The following SCN2A variants were observed in gnomAD, a reference collection of about 807,000 sequenced individuals.
SCN2A encodes the protein sodium channel protein type 2 subunit alpha.
Under a neutral mutation model 188.7 loss-of-function variants are expected in SCN2A, and 20 were observed. That is an observed-to-expected ratio of 0.11 (90% CI 0.07 to 0.15). SCN2A has a LOEUF of 0.15. SCN2A is among the 10% of genes least tolerant of loss of function. The probability of loss-of-function intolerance (pLI) is 1.00; values close to 1 mark genes in which losing one functional copy is unlikely to be tolerated. For missense variants in SCN2A, 1,278 were observed against 2,445.0 expected, an observed-to-expected ratio of 0.52 and a Z score of 10.07; for synonymous variants, 804 against 833.1, an observed-to-expected ratio of 0.97 and a Z score of 0.60.
chr2:165,380,460 T>TA, intron 23 of SCN2A, 132 bp from the exon 24 acceptor site: 1 of 665,358 alleles, frequency 1.5e-6, no homozygotes. Context: ...TGAAGGTTCA[T>TA]AAAATCTGTT....
At position 165,307,900 on chromosome 2, in the gene SCN2A, A is replaced by C; in HGVS notation, c.439A>C (p.Thr147Pro). The C allele has an allele frequency of 6.2e-7, 1 of 1,610,626 alleles. No homozygotes were observed. Among genetic ancestry groups the C allele is most frequent in the Non-Finnish European group, 8.5e-7 (1 of 1,176,986 alleles). ...CTILTNCVFM[T>P]MSNPPDWTKN... ...GATTCTTACCAACTGTGTATTTATG[A>C]CCATGAGTAACCCTCCAGACTGGAC... Residue 147 changes from threonine to proline, a missense_variant, in exon 4 of 27, where the codon ACC becomes CCC. Coordinates refer to ENST00000375437, the MANE Select transcript of SCN2A (RefSeq NM_001040142.2).
chr2:165,327,172 T>A, intron 13 of SCN2A, 188 bp downstream of exon 13: 1 of 646,358 alleles, frequency 1.5e-6, no homozygotes, highest in Non-Finnish European at 2.6e-6. Context: ...TTTTTTATAT[T>A]TAGCCTCCAG....
chr2:165,374,684 G>A lies in SCN2A; in HGVS notation c.3973-1G>A. 6.2e-7 allele frequency: 1 copy of A among 1,612,986 alleles called. No homozygotes were observed. The highest frequency in any genetic ancestry group is 8.5e-7 in the Non-Finnish European group (1 of 1,179,404). On this transcript the variant is annotated splice_acceptor_variant, in intron 21 of 26. Transcript: ENST00000375437. LOFTEE classifies it high-confidence loss of function. ...TATTTTTCCTTCTCATCCTGTGCCA[G>A]GTTGTTGTAAATGCTCTTTTAGGAG...
rs1559399339 is a variant in SCN2A, at chr2:165,374,858, C to T, written c.4146C>T (p.Asn1382=). 1.9e-6 allele frequency: 3 copies of T among 1,613,570 alleles called. No homozygotes were observed. Among genetic ancestry groups the T allele is most frequent in the Non-Finnish European group, 2.5e-6 (3 of 1,179,644 alleles). The change falls in exon 22 of 27, where the codon AAC becomes AAT. Residue 1382 remains asparagine, a synonymous_variant. Transcript: ENST00000375437. The part of the protein sequence containing the change: ...GEMFDVSVVN[N]YSECKALIES... ...TGTTTGATGTAAGCGTGGTCAACAACTACAGTGAGTGCAAAGCTCTCATTG... is the reference window on the plus strand; with the variant it reads ...TGTTTGATGTAAGCGTGGTCAACAATTACAGTGAGTGCAAAGCTCTCATTG...
intron 16 of SCN2A, among the ~76,000 whole-genome samples, chr2:165,345,561 C>T (rs138669200): frequency 0.027 from 3,987 of 150,050 alleles, 190 homozygotes; most frequent in African/African-American, 0.092. Context: ...TTTTTCTTTC[C>T]ATTTGCTTGG....
chr2:165,253,074 TG>T (rs1437856311), intron 1 of SCN2A, among the ~76,000 whole-genome samples: 1 of 152,100 alleles, frequency 6.6e-6, no homozygotes, highest in African/African-American at 2.4e-5. Context: ...TTGTAAGTTT[TG>T]CCTGTGCTAT....
intron 16 of SCN2A, among the ~76,000 whole-genome samples, chr2:165,353,900 T>G (rs1276915175): frequency 6.6e-6 from 1 of 151,152 alleles, no homozygotes; most frequent in Non-Finnish European, 1.5e-5. Flanking sequence ...GTTTTTTTTG[T>G]ACAGTTGTCT....
intron 1 of SCN2A, chr2:165,266,319 A>T (rs1341067882): frequency 6.6e-6 from 1 of 151,962 alleles, no homozygotes; most frequent in Non-Finnish European, 1.5e-5. Flanking sequence ...ATTTTTTACT[A>T]GTGTTCTTAA....
chr2:165,347,174 A>G (rs1049205711), intron 16 of SCN2A, among the ~76,000 whole-genome samples: 2 of 152,236 alleles, frequency 1.3e-5, no homozygotes, highest in Non-Finnish European at 2.9e-5. Flanking sequence ...TCATAATAGC[A>G]AAGATTTGGA....
rs1370061388 is a variant in SCN2A at position 165,354,422 on chromosome 2, C to T, written c.3150C>T (p.Asp1050=). The change falls in exon 17 of 27, where the codon GAC becomes GAT. Residue 1050 remains aspartate, a synonymous_variant. Coordinates refer to ENST00000375437, the MANE Select transcript of SCN2A (RefSeq NM_001040142.2). ...TTGAAGATCTAAATAATAAAAAAGA[C>T]AGCTGTATTTCCAACCATACCACCA... is the stretch of plus-strand genomic sequence containing the variant. ...KPLEDLNNKK[D]SCISNHTTIE... The T allele has an allele frequency of 6.2e-7, 1 of 1,614,090 alleles. No homozygotes were observed. The highest frequency in any genetic ancestry group is 1.1e-5 in the South Asian group (1 of 91,064).
At chr2:165,278,159 A>G (rs1453794010) in intron 1 of SCN2A, among the ~76,000 whole-genome samples, 1 of 152,256 alleles carries the variant, frequency 6.6e-6, no homozygotes, top group East Asian at 1.9e-4. Context: ...ATACCCCTGA[A>G]GTGGAAACAC....
intron 11 of SCN2A, chr2:165,320,464 T>C (rs1451586417): frequency 6.6e-6 from 1 of 152,298 alleles, no homozygotes; most frequent in Non-Finnish European, 1.5e-5. Context: ...GTAGGGACCC[T>C]GTGTTGGGGC....
chr2:165,281,077 C>T (rs1015879112), intron 1 of SCN2A, among the ~76,000 whole-genome samples: 57 of 152,178 alleles, frequency 3.7e-4, no homozygotes, highest in African/African-American at 1.2e-3. Context: ...ATAAATTAGC[C>T]AGGCAAGGTG....
chr2:165,256,119 T>G (rs1251398676), intron 1 of SCN2A, among the ~76,000 whole-genome samples: 3 of 150,878 alleles, frequency 2.0e-5, no homozygotes, highest in Non-Finnish European at 4.4e-5. Context: ...AATTCTCCTG[T>G]TTTAGCCTCC....
intron 1 of SCN2A, among the ~76,000 whole-genome samples, chr2:165,276,974 G>A (rs1414111281): frequency 6.6e-6 from 1 of 152,080 alleles, no homozygotes; most frequent in African/African-American, 2.4e-5. Flanking sequence ...AGGAGATGGA[G>A]ACCATCCTGG....
intron 1 of SCN2A, among the ~76,000 whole-genome samples, chr2:165,257,631 C>A (rs561763342): frequency 1.3e-5 from 2 of 151,996 alleles, no homozygotes; most frequent in Non-Finnish European, 2.9e-5. Flanking sequence ...CTCCGCCTTC[C>A]GGGTTCACGC....
intron 21 of SCN2A, among the ~76,000 whole-genome samples, 174 bp downstream of exon 21, chr2:165,373,521 G>A (rs1701151790): frequency 6.6e-6 from 1 of 152,092 alleles, no homozygotes; most frequent in Admixed American, 6.6e-5. Context: ...CACTGCTGGA[G>A]TCACTCACAG....
intron 3 of SCN2A, among the ~76,000 whole-genome samples, chr2:165,299,363 A>G (rs1292634787): frequency 1.3e-5 from 2 of 152,212 alleles, no homozygotes; most frequent in Non-Finnish European, 2.9e-5. Context: ...GCAGGTTGAA[A>G]TGTGAAGCCA....
Position 165,291,495 on chromosome 2 carries a change from C to CTTTCTTTCTTTCTTTCT in SCN2A, c.-51-4276_-51-4260dup, listed in dbSNP as rs1696166701. Among the ~76,000 whole-genome samples, 94 of 44,276 alleles carry CTTTCTTTCTTTCTTTCT rather than the reference C, an allele frequency of 2.1e-3. 1 individual carries two copies. Among genetic ancestry groups the CTTTCTTTCTTTCTTTCT allele is most frequent in the Admixed American group, 5.8e-3 (19 of 3,302 alleles). 29.0% of individuals were successfully genotyped at this position (44,276 alleles called of 152,430 possible). A position where few individuals can be genotyped will look rare whatever the true frequency, so the allele number is the denominator to read the frequency against. Reference sequence around the variant, plus strand: ...CTTTCTTTCTTTCTTTCTTTCTTTTCTTTCTTTCTTTCTTTCTTCCTCTCC... The same window carrying CTTTCTTTCTTTCTTTCT: ...CTTTCTTTCTTTCTTTCTTTCTTTTCTTTCTTTCTTTCTTTCTTTTCTTTCTTTCTTTCTTCCTCTCC... On this transcript the variant is annotated intron_variant, in intron 1 of 26. Coordinates refer to ENST00000375437, the MANE Select transcript of SCN2A (RefSeq NM_001040142.2).
Sources: gnomAD v4.1 joint callset for allele counts (sites outside exome capture counted in the v4.1 genomes callset) on GRCh38, gnomAD v4.1.1 for gene constraint, MANE v1.5 for transcripts, NCBI Gene and HGNC (gene_info 2026-07-23, HGNC 2026-07-21) for gene names.